Variants in SAMD12 observed in about 807,000 individuals in gnomAD.
The protein encoded by SAMD12 is sterile alpha motif domain-containing protein 12.
Under a neutral mutation model 15.0 loss-of-function variants are expected in SAMD12, and 9 were observed. The observed-to-expected ratio is 0.60, with a 90% CI of 0.36 to 1.05. The LOEUF (loss-of-function observed/expected upper bound fraction) is 1.05, where lower values mean the gene tolerates loss of function less well. Among genes scored for constraint, SAMD12 ranks in the 50% least tolerant of loss-of-function variants. The pLI is 0.01. For missense variants in SAMD12, 230 were observed against 234.2 expected (o/e 0.98, Z 0.12); for synonymous variants, 86 against 90.1 (o/e 0.96, Z 0.25).
chr8:118,480,693 A>T (rs1824101065), intron 2 of SAMD12, among the ~76,000 whole-genome samples: 1 of 152,102 alleles, frequency 6.6e-6, no homozygotes, highest in Non-Finnish European at 1.5e-5. Flanking sequence ...CACATCAGAA[A>T]CTGCAGCCCT....
intron 4 of SAMD12, among the ~76,000 whole-genome samples, chr8:118,293,391 A>C (rs1814524070): frequency 6.6e-6 from 1 of 152,220 alleles, no homozygotes; most frequent in Non-Finnish European, 1.5e-5. Context: ...TACCTTCTTG[A>C]GGGCCAGAAA....
the SAMD12 span, among the ~76,000 whole-genome samples, chr8:118,152,632 G>T: frequency 6.6e-6 from 1 of 152,048 alleles, no homozygotes; most frequent in Admixed American, 6.6e-5. Context: ...CTGAGTAGCT[G>T]GGACTACAGG....
At chr8:118,362,039 T>G (rs1018681327) in intron 4 of SAMD12, among the ~76,000 whole-genome samples, 4 of 151,614 alleles carry the variant, frequency 2.6e-5, no homozygotes, top group African/African-American at 9.7e-5. Context: ...AATAAATTTC[T>G]AATAGCTCTT....
At chr8:118,518,241 G>A (rs1402778431) in intron 2 of SAMD12, among the ~76,000 whole-genome samples, 2 of 152,164 alleles carry the variant, frequency 1.3e-5, no homozygotes, top group Non-Finnish European at 2.9e-5. Context: ...TTTCCTATAT[G>A]ATTGAGGTCC....
intron 4 of SAMD12, among the ~76,000 whole-genome samples, chr8:118,228,603 G>A (rs2129907628): frequency 6.7e-6 from 1 of 148,710 alleles, no homozygotes; most frequent in Admixed American, 6.7e-5. Flanking sequence ...CCTTACTCTT[G>A]CAAGAATGGC....
intron 4 of SAMD12, among the ~76,000 whole-genome samples, chr8:118,290,848 A>G (rs1814320061): frequency 6.6e-6 from 1 of 152,190 alleles, no homozygotes. Context: ...AAATATGAAA[A>G]ATAATTAGTC....
chr8:118,584,098 A>C (rs1433491031), intron 1 of SAMD12, among the ~76,000 whole-genome samples: 20 of 152,230 alleles, frequency 1.3e-4, no homozygotes, highest in Admixed American at 1.3e-3. Flanking sequence ...ATCTATAAAC[A>C]GGAGGCAGAA....
chr8:118,174,269 C>G, the SAMD12 span, among the ~76,000 whole-genome samples: 412 of 152,228 alleles, frequency 2.7e-3, 9 homozygotes, highest in South Asian at 0.04. Context: ...GTTTAATGTC[C>G]CCAGTGAGAC....
At chr8:118,371,266 GT>G (rs770994468) in intron 4 of SAMD12, among the ~76,000 whole-genome samples, 13 of 152,244 alleles carry the variant, frequency 8.5e-5, no homozygotes, top group Admixed American at 2.6e-4. Context: ...TGGAAATAAT[GT>G]TGTCAGAAAT....
intron 2 of SAMD12, among the ~76,000 whole-genome samples, chr8:118,446,570 A>T (rs1822920517): frequency 6.6e-6 from 1 of 152,182 alleles, no homozygotes; most frequent in Admixed American, 6.5e-5. Context: ...ACTGATCTAG[A>T]TTCAGCACTT....
Sources: allele counts gnomAD v4.1 joint callset (sites outside exome capture counted in the v4.1 genomes callset), GRCh38; gene constraint gnomAD v4.1.1; transcripts MANE v1.5; gene names NCBI Gene and HGNC (gene_info 2026-07-23, HGNC 2026-07-21).